OPA3: variants seen among roughly 807,000 people sequenced by gnomAD.
OPA3 encodes outer mitochondrial membrane lipid metabolism regulator OPA3.
OPA3 carries 6 observed loss-of-function variants against 4.0 expected under a neutral mutation model. The ratio of observed to expected loss-of-function variants is 1.51; its 90% confidence interval spans 0.83 to 2.99. OPA3 has a LOEUF of 2.99. Among genes scored for constraint, OPA3 ranks in the 30% most tolerant of loss-of-function variants. The pLI, the probability that OPA3 is intolerant of heterozygous loss-of-function variation, is 0.00. For synonymous variants in OPA3, 105 were observed against 117.1 expected, an observed-to-expected ratio of 0.90 and a Z score of 0.67; for missense variants, 235 against 256.2, an observed-to-expected ratio of 0.92 and a Z score of 0.56.
chr19:45,554,850 GCA>G (rs996468315), intron 1 of OPA3, among the ~76,000 whole-genome samples: 2 of 152,192 alleles, frequency 1.3e-5, no homozygotes, highest in African/African-American at 4.8e-5. Flanking sequence ...GAGTGCAGTG[GCA>G]CAGTCTTGGC....
At chr19:45,570,540 A>T (rs1969646472) in intron 1 of OPA3, among the ~76,000 whole-genome samples, 1 of 152,108 alleles carries the variant, frequency 6.6e-6, no homozygotes, top group Admixed American at 6.6e-5. Flanking sequence ...AAAAAAAATT[A>T]GCTGGGCATA....
downstream of OPA3, among the ~76,000 whole-genome samples, chr19:45,542,673 T>G (rs112199678): frequency 4.6e-4 from 67 of 145,530 alleles, no homozygotes; most frequent in African/African-American, 8.8e-4. Context: ...TTGTTTTTTT[T>G]TTTTTTTTTT....
chr19:45,570,055 C>G (rs900074707), intron 1 of OPA3, among the ~76,000 whole-genome samples: 2 of 152,230 alleles, frequency 1.3e-5, no homozygotes, highest in Non-Finnish European at 2.9e-5. Flanking sequence ...GGTGCTTTCT[C>G]AGGCAGGCGC....
chr19:45,537,383 C>G (rs1422507092), intron 1 of OPA3, among the ~76,000 whole-genome samples: 1 of 73,808 alleles, frequency 1.4e-5, no homozygotes, highest in East Asian at 4.6e-4. Context: ...GATGACAGAG[C>G]AAGACTCTGT....
intron 1 of OPA3, among the ~76,000 whole-genome samples, chr19:45,565,725 A>G (rs1036337447): frequency 1.3e-4 from 20 of 151,968 alleles, no homozygotes; most frequent in Non-Finnish European, 2.6e-4. Context: ...ACCTTAAGTG[A>G]TCCACCTGCC....
At position 45,538,122 on chromosome 19, in the gene OPA3, A is replaced by C. The variant is rs368849719; in HGVS notation, c.143-8666T>G. On this transcript the variant is annotated intron_variant, in intron 1 of 1. Coordinates refer to the OPA3 transcript ENST00000323060. The stretch of plus-strand genomic sequence containing the variant: ...TATCAAAAAAAAAAAAAAAAATGCC[A>C]CCTGAAAAAAAAAAAAAAAAGATTC... 2.8e-3 allele frequency among the ~76,000 whole-genome samples: 222 copies of C among 79,778 alleles called. No homozygotes were observed. In the Middle Eastern group the frequency reaches 0.053, roughly 19 times the overall value. The allele number at this position is 79,778 out of a possible 152,430, so 52.3% of individuals were successfully genotyped here.
rs570458926 is a variant in OPA3 at position 45,535,203 on chromosome 19, T to C, written c.143-5747A>G. ...CAATAATGTTTTGTAGTTTACAGAA[T>C]AGATATCTTGCATGTAAATTCAGTT... On this transcript the variant is annotated intron_variant, in intron 1 of 1. Transcript: ENST00000323060. 3.9e-5 allele frequency among the ~76,000 whole-genome samples: 6 copies of C among 152,334 alleles called. No homozygotes were observed. The East Asian group carries it at 1.2e-3, about 29-fold the overall frequency.
chr19:45,571,647 T>C (rs1969668467), intron 1 of OPA3, among the ~76,000 whole-genome samples: 1 of 152,146 alleles, frequency 6.6e-6, no homozygotes. Context: ...TTTCAAACAC[T>C]GGTGCGTGTG....
downstream of OPA3, among the ~76,000 whole-genome samples, chr19:45,544,488 C>T (rs1969222042): frequency 2.7e-5 from 4 of 150,104 alleles, no homozygotes; most frequent in African/African-American, 7.4e-5. Context: ...GATGAAACCC[C>T]GTCTCTACTA....
intron 1 of OPA3, among the ~76,000 whole-genome samples, chr19:45,580,091 T>G (rs1465803125): frequency 6.8e-6 from 1 of 147,526 alleles, no homozygotes; most frequent in African/African-American, 2.5e-5. Flanking sequence ...CCGCCTCCCA[T>G]GTTCAAGTGA....
chr19:45,559,500 C>T (rs1461000841), intron 1 of OPA3, among the ~76,000 whole-genome samples: 11 of 138,770 alleles, frequency 7.9e-5, no homozygotes, highest in Admixed American at 3.2e-4. Flanking sequence ...TTCCCGGGTT[C>T]AAGTGATTCT....
intron 1 of OPA3, among the ~76,000 whole-genome samples, chr19:45,567,192 T>C (rs1969595311): frequency 6.6e-6 from 1 of 151,638 alleles, no homozygotes. Context: ...TAAAATAAAT[T>C]AGCCGGGCAT....
At chr19:45,583,571 G>A (rs1422250106) in intron 1 of OPA3, among the ~76,000 whole-genome samples, 1 of 152,072 alleles carries the variant, frequency 6.6e-6, no homozygotes, top group Non-Finnish European at 1.5e-5. Flanking sequence ...GCACAATCTA[G>A]GCTCACTGCA....
chr19:45,580,436 G>A (rs1041376146), intron 1 of OPA3, among the ~76,000 whole-genome samples: 5 of 151,188 alleles, frequency 3.3e-5, no homozygotes, highest in African/African-American at 9.8e-5. Context: ...TGGGATTACA[G>A]GCATGCGCCA....
At chr19:45,531,889 T>G (rs1163713121) in intron 1 of OPA3, among the ~76,000 whole-genome samples, 1 of 152,230 alleles carries the variant, frequency 6.6e-6, no homozygotes, top group African/African-American at 2.4e-5. Context: ...CCTTCGAATT[T>G]TTCTTGTCTG....
intron 1 of OPA3, chr19:45,584,260 G>A (rs1600009265): frequency 2.3e-6 from 2 of 868,510 alleles, no homozygotes; most frequent in Non-Finnish European, 2.8e-6. Flanking sequence ...GCCGGGCAAA[G>A]GACCCCGTCC....
chr19:45,546,499 CTT>C lies in OPA3; in HGVS notation c.*7013_*7014del, dbSNP rs944035967. On this transcript the variant is annotated 3_prime_UTR_variant, in exon 2 of 2. Transcript: ENST00000263275. Reference sequence around the variant, plus strand: ...CACACGATGGATTACATAAACTCTGCTTTTTTTTTTTTTTGAGACAGGGTCTC... The same window carrying C: ...CACACGATGGATTACATAAACTCTGCTTTTTTTTTTTTGAGACAGGGTCTC... The C allele has an allele frequency of 7.0e-3, 3,227 of 463,670 alleles. No individual in the cohort carries two copies. Among genetic ancestry groups the C allele is most frequent in the Non-Finnish European group, 8.2e-3 (2,951 of 359,934 alleles). The allele number at this position is 463,670 out of a possible 1,614,324, so 28.7% of individuals were successfully genotyped here.
chr19:45,558,023 A>T (rs1198943633), intron 1 of OPA3, among the ~76,000 whole-genome samples: 1 of 152,172 alleles, frequency 6.6e-6, no homozygotes, highest in Non-Finnish European at 1.5e-5. Flanking sequence ...AGCAATCAGA[A>T]GGAATTGGTG....
At position 45,552,413 on chromosome 19, in the gene OPA3, G is replaced by A. The variant is rs901220475; in HGVS notation, c.*1101C>T. On this transcript the variant is annotated 3_prime_UTR_variant, in exon 2 of 2. Transcript: ENST00000263275. ...AGTAGAGACGGGGTTTCATCATATT[G>A]GTCAGGCTGGTCTCGAGCTCCCGAT... 6.4e-6 allele frequency: 1 copy of A among 156,792 alleles called. No homozygotes were observed. The highest frequency in any genetic ancestry group is 1.4e-5 in the Non-Finnish European group (1 of 72,932). 9.7% of individuals were successfully genotyped at this position (156,792 alleles called of 1,614,324 possible).
Sources: gnomAD v4.1 joint callset for allele counts (sites outside exome capture counted in the v4.1 genomes callset) on GRCh38, gnomAD v4.1.1 for gene constraint, MANE v1.5 for transcripts, NCBI Gene and HGNC (gene_info 2026-07-23, HGNC 2026-07-21) for gene names.